Variants in TRAK1 observed in about 807,000 individuals in gnomAD.
The protein encoded by TRAK1 is trafficking kinesin protein 1.
In TRAK1, 33 loss-of-function variants were observed where a neutral mutation model predicts 92.1. The observed-to-expected ratio is 0.36, with a 90% CI of 0.27 to 0.48. The LOEUF (loss-of-function observed/expected upper bound fraction) is 0.48. Ranked by LOEUF, TRAK1 falls within the 20% of genes least tolerant of loss-of-function variation. The pLI is 0.99. For missense variants in TRAK1, 1,123 were observed against 1,257.9 expected, an observed-to-expected ratio of 0.89 and a Z score of 1.62; for synonymous variants, 521 against 517.3, an observed-to-expected ratio of 1.01 and a Z score of -0.10.
chr3:42,121,300 C>G (rs1035217060), intron 1 of TRAK1, among the ~76,000 whole-genome samples: 20 of 150,708 alleles, frequency 1.3e-4, no homozygotes, highest in Admixed American at 5.3e-4. Flanking sequence ...TGCTGTGTCC[C>G]CCAGGCTGGA....
chr3:42,220,750 T>G (rs1253773714), intron 15 of TRAK1, among the ~76,000 whole-genome samples: 1 of 152,048 alleles, frequency 6.6e-6, no homozygotes, highest in Non-Finnish European at 1.5e-5. Context: ...CTAACCCAGC[T>G]AAACACCCCC....
At chr3:42,057,701 G>T (rs1486077444) in intron 1 of TRAK1, among the ~76,000 whole-genome samples, 1 of 152,078 alleles carries the variant, frequency 6.6e-6, no homozygotes, top group Non-Finnish European at 1.5e-5. Flanking sequence ...GACCTGCTGT[G>T]TGTGGCCAAG....
chr3:42,210,974 C>T, intron 14 of TRAK1: 1 of 985,428 alleles, frequency 1.0e-6, no homozygotes, highest in South Asian at 4.7e-5. Context: ...TTACTGTTTA[C>T]CCCAACAGCA....
intron 11 of TRAK1, among the ~76,000 whole-genome samples, chr3:42,200,332 A>G (rs531777365): frequency 2.2e-4 from 33 of 152,324 alleles, no homozygotes; most frequent in African/African-American, 7.9e-4. Context: ...TTATCATCTT[A>G]TTATAGAAGT....
chr3:42,127,905 G>C (rs114775950), intron 2 of TRAK1, among the ~76,000 whole-genome samples: 1 of 152,152 alleles, frequency 6.6e-6, no homozygotes. Context: ...GAGGCCGGGC[G>C]TGGTGGCTCA....
At chr3:42,170,250 A>G (rs561622239) in intron 2 of TRAK1, among the ~76,000 whole-genome samples, 332 of 152,338 alleles carry the variant, frequency 2.2e-3, no homozygotes, top group African/African-American at 7.3e-3. Flanking sequence ...TTTAAAGGAC[A>G]TCTATTTTGT....
intron 1 of TRAK1, among the ~76,000 whole-genome samples, chr3:42,121,401 A>C (rs1709845686): frequency 6.6e-6 from 1 of 151,694 alleles, no homozygotes; most frequent in African/African-American, 2.4e-5. Context: ...CTGGGACTAC[A>C]GGCGCCCACC....
At chr3:42,132,437 A>AT (rs1457945378) in intron 2 of TRAK1, among the ~76,000 whole-genome samples, 2 of 150,920 alleles carry the variant, frequency 1.3e-5, no homozygotes, top group Non-Finnish European at 3.0e-5. Flanking sequence ...TAACTTTCAT[A>AT]TTTTTTTGTA....
At chr3:42,097,951 C>T (rs915747498) in intron 1 of TRAK1, among the ~76,000 whole-genome samples, 4 of 152,132 alleles carry the variant, frequency 2.6e-5, no homozygotes, top group Admixed American at 2.6e-4. Flanking sequence ...ACACCAGGGT[C>T]CAGTGATGTT....
At chr3:42,032,674 C>A (rs1028739957) in intron 1 of TRAK1, among the ~76,000 whole-genome samples, 4 of 152,094 alleles carry the variant, frequency 2.6e-5, no homozygotes, top group Non-Finnish European at 5.9e-5. Context: ...CTTTTTGCTC[C>A]CAGTCTGGCA....
chr3:42,172,424 A>G (rs1702683749), intron 2 of TRAK1, among the ~76,000 whole-genome samples: 1 of 152,176 alleles, frequency 6.6e-6, no homozygotes, highest in African/African-American at 2.4e-5. Context: ...AAATCTCAGG[A>G]TAAGAGCCCA....
chr3:42,214,517 C>T (rs1004595230), intron 14 of TRAK1, among the ~76,000 whole-genome samples: 2 of 152,246 alleles, frequency 1.3e-5, no homozygotes, highest in African/African-American at 2.4e-5. Flanking sequence ...CCCCCTCTCT[C>T]TAGAAGATAC....
chr3:42,207,779 C>G (rs1314034184), intron 13 of TRAK1, among the ~76,000 whole-genome samples: 1 of 152,158 alleles, frequency 6.6e-6, no homozygotes, highest in South Asian at 2.1e-4. Context: ...ATGCACACTT[C>G]CTTTAGGAAG....
intron 1 of TRAK1, among the ~76,000 whole-genome samples, chr3:42,095,097 C>T (rs374746366): frequency 5.3e-5 from 8 of 152,370 alleles, no homozygotes; most frequent in African/African-American, 1.9e-4. Context: ...GACCAAATTT[C>T]TGGCCACCCC....
At chr3:42,189,168 G>A (rs1305723657) in intron 6 of TRAK1, 44 bp downstream of exon 6, 8 of 1,443,648 alleles carry the variant, frequency 5.5e-6, no homozygotes, top group Non-Finnish European at 6.8e-6. Flanking sequence ...AAGGGTGGTG[G>A]CCCCATTCGC....
At chr3:42,222,413 AG>A (rs1710447028) in intron 15 of TRAK1, among the ~76,000 whole-genome samples, 1 of 152,184 alleles carries the variant, frequency 6.6e-6, no homozygotes, top group South Asian at 2.1e-4. Context: ...GCCTGGCCTC[AG>A]TCCATGCACT....
At chr3:42,131,590 A>C (rs1559809046) in intron 2 of TRAK1, among the ~76,000 whole-genome samples, 1 of 116,224 alleles carries the variant, frequency 8.6e-6, no homozygotes, top group Non-Finnish European at 1.9e-5. Context: ...GGTGGCGTGC[A>C]CCTGTAATCC....
intron 1 of TRAK1, among the ~76,000 whole-genome samples, chr3:42,098,844 G>T (rs1299628199): frequency 6.6e-6 from 1 of 152,100 alleles, no homozygotes; most frequent in Non-Finnish European, 1.5e-5. Context: ...CCAGAATTGG[G>T]TTTTGCTGTA....
At chr3:42,065,159 C>T (rs754913069) in intron 1 of TRAK1, among the ~76,000 whole-genome samples, 3 of 151,946 alleles carry the variant, frequency 2.0e-5, no homozygotes, top group Non-Finnish European at 4.4e-5. Flanking sequence ...GTCTGAGGCA[C>T]GAGAACTGTT....
Sources: gnomAD v4.1 joint callset for allele counts (sites outside exome capture counted in the v4.1 genomes callset) on GRCh38, gnomAD v4.1.1 for gene constraint, MANE v1.5 for transcripts, NCBI Gene and HGNC (gene_info 2026-07-23, HGNC 2026-07-21) for gene names.